The following KLK13 variants were observed in gnomAD, a reference collection of about 807,000 sequenced individuals.
The protein encoded by KLK13 is kallikrein-13.
KLK13 carries 19 observed loss-of-function variants against 22.4 expected under a neutral mutation model. The observed-to-expected ratio is 0.85, with a 90% CI of 0.59 to 1.24. The LOEUF (loss-of-function observed/expected upper bound fraction) is 1.24. Among genes scored for constraint, KLK13 ranks in the 50% most tolerant of loss-of-function variants. The pLI, the probability that KLK13 is intolerant of heterozygous loss-of-function variation, is 0.00. For missense variants in KLK13, 311 were observed against 347.9 expected (o/e 0.89, Z 0.84); for synonymous variants, 156 against 141.8 (o/e 1.10, Z -0.71).
intron 2 of KLK13, 30 bp downstream of exon 2, chr19:51,060,403 C>T: frequency 1.3e-6 from 2 of 1,546,888 alleles, no homozygotes; most frequent in Non-Finnish European, 1.7e-6. Flanking sequence ...ATTCTCATCC[C>T]TACCCCATGC....
intron 4 of KLK13, among the ~76,000 whole-genome samples, 165 bp from the exon 5 acceptor site, chr19:51,056,940 A>T (rs1244090070): frequency 6.6e-6 from 1 of 152,184 alleles, no homozygotes; most frequent in Non-Finnish European, 1.5e-5. Flanking sequence ...GAAAGCAATG[A>T]AGACAGTGAG....
At chr19:51,064,211 G>T (rs1568592196) in intron 1 of KLK13, among the ~76,000 whole-genome samples, 1 of 152,110 alleles carries the variant, frequency 6.6e-6, no homozygotes, top group Admixed American at 6.5e-5. Flanking sequence ...AATACTAGAG[G>T]CCGGGCTCGG....
intron 2 of KLK13, 117 bp downstream of exon 2, chr19:51,060,316 A>C (rs1390642280): frequency 5.2e-6 from 6 of 1,164,676 alleles, no homozygotes; most frequent in Non-Finnish European, 7.2e-6. Context: ...CCTCATTCTC[A>C]CTCCCATGTC....
rs1599785877 is a variant in KLK13, at chr19:51,060,480, G to T, written c.192C>A (p.Val64=). 6.2e-7 allele frequency: 1 copy of T among 1,613,750 alleles called. No homozygotes were observed. The highest frequency in any genetic ancestry group is 1.3e-5 in the African/African-American group (1 of 75,012). Residue 64 remains valine (V), a synonymous_variant, in exon 2 of 5, where the codon GTC becomes GTA. Coordinates refer to ENST00000595793, the MANE Select transcript of KLK13 (RefSeq NM_015596.3). ...TGAGGACCCATTTGGGGTGGACCAGGACTCCCCCACAGAGTAGCCGCCCTT... is the reference window on the plus strand; with the variant it reads ...TGAGGACCCATTTGGGGTGGACCAGTACTCCCCCACAGAGTAGCCGCCCTT... ...LVQGRLLCGG[V]LVHPKWVLTA...
chr19:51,060,201 C>T, intron 2 of KLK13, 108 bp from the exon 3 acceptor site: 7 of 1,354,992 alleles, frequency 5.2e-6, no homozygotes, highest in Non-Finnish European at 7.1e-6. Flanking sequence ...TCCATCCTAC[C>T]TTCCTCATCT....
At chr19:51,063,616 G>A (rs10426620) in intron 1 of KLK13, 199,274 of 456,092 alleles carry the variant, frequency 0.44, 44,565 homozygotes, top group East Asian at 0.69. Flanking sequence ...TCCACAAGGC[G>A]TAGCGTGTGG....
rs1447515930 is a variant in KLK13 at position 51,063,602 on chromosome 19, G to A, written c.52+1414C>T. The A allele has an allele frequency of 1.8e-5, 8 of 452,428 alleles. No homozygotes were observed. In the East Asian group the frequency reaches 4.9e-4, roughly 28 times the overall value. The allele number at this position is 452,428 out of a possible 1,614,324, so 28.0% of individuals were successfully genotyped here. A position where few individuals can be genotyped will look rare whatever the true frequency, so the allele number is the denominator to read the frequency against. ...TGCACCTACCTCGCCAGGTTGTTGAGGACTCCACAAGGCGTAGCGTGTGGG... is the reference window on the plus strand; with the variant it reads ...TGCACCTACCTCGCCAGGTTGTTGAAGACTCCACAAGGCGTAGCGTGTGGG... On this transcript the variant is annotated intron_variant, in intron 1 of 4. Transcript: ENST00000595793.
chr19:51,064,272 G>T (rs2091756598), intron 1 of KLK13, among the ~76,000 whole-genome samples: 1 of 152,068 alleles, frequency 6.6e-6, no homozygotes, highest in Non-Finnish European at 1.5e-5. Context: ...CGGGCTACTT[G>T]AAGTTAGAAG....
In KLK13 at chr19:51,065,027, G is replaced by A. The variant is rs867003746; in HGVS notation, c.41C>T (p.Ala14Val). 1 of 1,335,298 alleles carries A rather than the reference G, an allele frequency of 7.5e-7. No individual in the cohort carries two copies. The highest frequency in any genetic ancestry group is 2.2e-5 in the Admixed American group (1 of 44,780). The allele number at this position is 1,335,298 out of a possible 1,614,324, so 82.7% of individuals were successfully genotyped here. A position where few individuals can be genotyped will look rare whatever the true frequency, so the allele number is the denominator to read the frequency against. The change falls in exon 1 of 5, where the codon GCC (alanine) becomes GTC (valine). Residue 14 changes from alanine (A) to valine (V), a missense_variant. Coordinates refer to ENST00000595793, the MANE Select transcript of KLK13 (RefSeq NM_015596.3). ...LALVIASLTL[A>V]LSGGVSQESS... The stretch of plus-strand genomic sequence containing the variant: ...CCGCGCATTCTTACCTCCTGACAAG[G>A]CCAAGGTCAGGGAGGCGATCACTAG...
rs151317733 is a variant in KLK13 at position 51,059,917 on chromosome 19, T to C, written c.416A>G (p.Tyr139Cys). Reference sequence around the variant, plus strand: ...GTGGGAAAGGGGCAGGGTTTGGATGTAGCCTGTGAGCTGGACCGGGGACTG... The same window carrying C: ...GTGGGAAAGGGGCAGGGTTTGGATGCAGCCTGTGAGCTGGACCGGGGACTG... Reference protein sequence around the residue: ...ELQSPVQLTGYIQTLPLSHNN... With the variant: ...ELQSPVQLTGCIQTLPLSHNN... Residue 139 changes from tyrosine to cysteine, a missense_variant, in exon 3 of 5, where the codon TAC (tyrosine) becomes TGC (cysteine). Transcript: ENST00000595793. The C allele has an allele frequency of 1.9e-6, 3 of 1,609,362 alleles. No individual in the cohort carries two copies. In the African/African-American group the frequency reaches 4.0e-5, roughly 22 times the overall value.
chr19:51,065,078 T>A lies in KLK13; in HGVS notation c.-11A>T. On this transcript the variant is annotated 5_prime_UTR_variant, in exon 1 of 5. Coordinates refer to ENST00000595793, the MANE Select transcript of KLK13 (RefSeq NM_015596.3). ...GGCCAGGGGCCACATGGCTCCGGGA[T>A]CGGGAGGGGAGGGCAGGGCGGGCGG... 1 of 532,870 alleles carries A rather than the reference T, an allele frequency of 1.9e-6. No homozygotes were observed. Among genetic ancestry groups the A allele is most frequent in the Non-Finnish European group, 3.3e-6 (1 of 302,032 alleles). The allele number at this position is 532,870 out of a possible 1,614,324, so 33.0% of individuals were successfully genotyped here.
chr19:51,058,713 G>C, intron 3 of KLK13, 39 bp from the exon 4 acceptor site: 4 of 1,609,554 alleles, frequency 2.5e-6, no homozygotes, highest in Non-Finnish European at 3.4e-6. Flanking sequence ...TATCCGACCT[G>C]GATAGGATAT....
intron 4 of KLK13, among the ~76,000 whole-genome samples, chr19:51,057,524 G>A (rs2091686928): frequency 6.6e-6 from 1 of 152,088 alleles, no homozygotes; most frequent in Non-Finnish European, 1.5e-5. Flanking sequence ...CTGGAGTGCA[G>A]TGGCATGATC....
intron 1 of KLK13, chr19:51,063,442 C>T (rs2091747861): frequency 6.3e-6 from 2 of 318,962 alleles, no homozygotes; most frequent in African/African-American, 4.4e-5. Context: ...GTTTTCAGAG[C>T]CTCAAGTCCA....
At chr19:51,061,237 ACCAT>A (rs1202373668) in intron 1 of KLK13, among the ~76,000 whole-genome samples, 3 of 148,472 alleles carry the variant, frequency 2.0e-5, no homozygotes, top group African/African-American at 7.5e-5. Flanking sequence ...ATCCAATCCA[ACCAT>A]CCATCCATCC....
intron 1 of KLK13, chr19:51,064,724 G>T: frequency 1.6e-6 from 1 of 632,100 alleles, no homozygotes; most frequent in Admixed American, 2.2e-5. Flanking sequence ...GCGTCAGGAC[G>T]CGAACCCATG....
chr19:51,060,384 C>G (rs373796858), intron 2 of KLK13, 49 bp downstream of exon 2: 4 of 1,518,870 alleles, frequency 2.6e-6, no homozygotes, highest in Non-Finnish European at 1.8e-6. Flanking sequence ...CATCCACAAT[C>G]CCAGTCCCAT....
At chr19:51,065,197 A>C, upstream of KLK13, 1 of 615,466 alleles carries the variant, frequency 1.6e-6, no homozygotes, top group Non-Finnish European at 2.7e-6. Flanking sequence ...CGCCTCATTC[A>C]CTCTTGACAG....
upstream of KLK13, among the ~76,000 whole-genome samples, chr19:51,065,459 C>G (rs1036750666): frequency 6.6e-6 from 1 of 152,122 alleles, no homozygotes; most frequent in Non-Finnish European, 1.5e-5. Context: ...AAGTTCTTAT[C>G]TGTCCGCGCC....
Sources: gnomAD v4.1 joint callset for allele counts (sites outside exome capture counted in the v4.1 genomes callset) on GRCh38, gnomAD v4.1.1 for gene constraint, MANE v1.5 for transcripts, NCBI Gene and HGNC (gene_info 2026-07-23, HGNC 2026-07-21) for gene names.